Variants in MRPS6 observed in about 807,000 individuals in gnomAD.
MRPS6 encodes the protein mitochondrial ribosomal protein S6.
A neutral mutation model predicts 13.1 loss-of-function variants in MRPS6; 6 were observed. The observed-to-expected ratio is 0.46, with a 90% CI of 0.25 to 0.91. The LOEUF (loss-of-function observed/expected upper bound fraction) is 0.91. MRPS6 is among the 40% of genes least tolerant of loss of function. MRPS6 has a pLI of 0.18. For synonymous variants in MRPS6, 61 were observed against 56.5 expected, an observed-to-expected ratio of 1.08 and a Z score of -0.36; for missense variants, 164 against 155.6, an observed-to-expected ratio of 1.05 and a Z score of -0.29.
intron 1 of MRPS6, among the ~76,000 whole-genome samples, chr21:34,084,006 C>T (rs755839914): frequency 6.6e-5 from 10 of 152,188 alleles, no homozygotes; most frequent in Non-Finnish European, 1.3e-4. Flanking sequence ...GAAAATCCAG[C>T]TGCCTTTATA....
intron 1 of MRPS6, among the ~76,000 whole-genome samples, chr21:34,112,462 C>A (rs1047450322): frequency 6.6e-6 from 1 of 152,186 alleles, no homozygotes; most frequent in Admixed American, 6.5e-5. Flanking sequence ...ATGTATCTTA[C>A]AATTCACCCA....
intron 1 of MRPS6, chr21:34,102,242 T>C: frequency 2.0e-6 from 2 of 999,898 alleles, no homozygotes; most frequent in Non-Finnish European, 2.4e-6. Flanking sequence ...TTGCCAGTGG[T>C]GAGTCCCACA....
rs962679811 is a variant in MRPS6, at chr21:34,073,609, C to T, written c.-92C>T. 1.9e-5 allele frequency: 21 copies of T among 1,134,306 alleles called. No homozygotes were observed. Among genetic ancestry groups the T allele is most frequent in the East Asian group, 3.2e-5 (1 of 30,840 alleles). The allele number at this position is 1,134,306 out of a possible 1,614,324, so 70.3% of individuals were successfully genotyped here. On this transcript the variant is annotated 5_prime_UTR_variant, in exon 1 of 3. Transcript: ENST00000399312. ...GCCGCCTGGGAGCCGTCCGGCGCAG[C>T]AGTTTCTAGGTCCCCACTGTCCCCG...
chr21:34,119,305 A>G (rs924383925), intron 1 of MRPS6, among the ~76,000 whole-genome samples: 23 of 152,318 alleles, frequency 1.5e-4, no homozygotes, highest in African/African-American at 5.1e-4. Flanking sequence ...GCCACTTTCC[A>G]TGACACCCAT....
intron 2 of MRPS6, among the ~76,000 whole-genome samples, chr21:34,126,423 C>T (rs375046949): frequency 3.3e-5 from 5 of 152,328 alleles, no homozygotes; most frequent in African/African-American, 9.6e-5. Flanking sequence ...AACCTTCTGC[C>T]GTGCTGCAAA....
intron 2 of MRPS6, among the ~76,000 whole-genome samples, chr21:34,128,769 TC>T (rs931695435): frequency 1.3e-5 from 2 of 152,220 alleles, no homozygotes; most frequent in African/African-American, 4.8e-5. Context: ...TCATGCGTGT[TC>T]AGCTGAGGAC....
intron 1 of MRPS6, among the ~76,000 whole-genome samples, chr21:34,090,253 G>T (rs1231523372): frequency 6.6e-6 from 1 of 152,174 alleles, no homozygotes; most frequent in African/African-American, 2.4e-5. Context: ...CAGTATCCTT[G>T]CTCCACATTT....
intron 1 of MRPS6, among the ~76,000 whole-genome samples, chr21:34,074,794 C>G (rs1413150420): frequency 6.6e-6 from 1 of 152,326 alleles, no homozygotes; most frequent in African/African-American, 2.4e-5. Flanking sequence ...AATTAGGCTC[C>G]AGGTCAATTG....
intron 1 of MRPS6, among the ~76,000 whole-genome samples, chr21:34,107,261 C>T (rs1485890960): frequency 6.6e-6 from 1 of 152,194 alleles, no homozygotes; most frequent in East Asian, 1.9e-4. Context: ...TAATACAGGC[C>T]AATCATTTTG....
At position 34,074,920 on chromosome 21, in the gene MRPS6, C is replaced by A. The variant is rs536864496; in HGVS notation, c.45+1175C>A. Among the ~76,000 whole-genome samples, 22 of 152,292 alleles carry A rather than the reference C, an allele frequency of 1.4e-4. 1 individual carries two copies. The highest frequency in any genetic ancestry group is 3.4e-3 in the Middle Eastern group (1 of 294). On this transcript the variant is annotated intron_variant, in intron 1 of 2. Coordinates refer to ENST00000399312, the MANE Select transcript of MRPS6 (RefSeq NM_032476.4). ...GCATATTGTTAACTGGGAAGGGACG[C>A]CAGTGCCTCTCTATGAGGTCCAGAC...
intron 1 of MRPS6, among the ~76,000 whole-genome samples, chr21:34,112,936 C>A (rs574970754): frequency 6.6e-6 from 1 of 152,002 alleles, no homozygotes; most frequent in African/African-American, 2.4e-5. Context: ...GTGGGTGGAT[C>A]GCTTGACGTC....
chr21:34,084,997 C>T (rs1989539162), intron 1 of MRPS6, among the ~76,000 whole-genome samples: 1 of 152,182 alleles, frequency 6.6e-6, no homozygotes, highest in South Asian at 2.1e-4. Context: ...GGCCTTCCTC[C>T]TAACCACAAC....
At chr21:34,109,583 G>A (rs780879486) in intron 1 of MRPS6, among the ~76,000 whole-genome samples, 5 of 152,014 alleles carry the variant, frequency 3.3e-5, no homozygotes, top group African/African-American at 4.8e-5. Flanking sequence ...TTTATCTGCC[G>A]CAGAGTATAA....
intron 1 of MRPS6, chr21:34,104,878 T>G (rs1284333708): frequency 1.0e-6 from 1 of 1,000,138 alleles, no homozygotes; most frequent in Non-Finnish European, 1.2e-6. Context: ...AAAAAATGCT[T>G]CTGGAGATTT....
At chr21:34,127,787 C>A (rs1569424320) in intron 2 of MRPS6, among the ~76,000 whole-genome samples, 1 of 152,158 alleles carries the variant, frequency 6.6e-6, no homozygotes, top group Non-Finnish European at 1.5e-5. Context: ...TAATCCATAG[C>A]CACAGAAAGT....
At chr21:34,110,442 T>C (rs891330743) in intron 1 of MRPS6, among the ~76,000 whole-genome samples, 1 of 151,898 alleles carries the variant, frequency 6.6e-6, no homozygotes, top group African/African-American at 2.4e-5. Context: ...ATTGTGCCAC[T>C]GTACTCCAGC....
In MRPS6 at chr21:34,096,988, G is replaced by A. The variant is rs1209359981; in HGVS notation, c.45+23243G>A. ...GGGAAATCTGAAGACAGCATTAAGG[G>A]CCTTCAGCCTGAAGATGTTAATCTG... On this transcript the variant is annotated intron_variant, in intron 1 of 2. Transcript: ENST00000399312. The surrounding 1 kb of genome is among the most constrained non-coding windows in gnomAD (Gnocchi z 5.9). The A allele has an allele frequency of 6.2e-7, 1 of 1,613,920 alleles. No homozygotes were observed. Among genetic ancestry groups the A allele is most frequent in the African/African-American group, 1.3e-5 (1 of 74,898 alleles).
chr21:34,103,524 G>A (rs114419906), intron 1 of MRPS6: 66,878 of 999,552 alleles, frequency 0.067, 2,339 homozygotes, highest in Middle Eastern at 0.11. Flanking sequence ...GAACAGGTAC[G>A]TGACAACAGT....
chr21:34,092,515 A>T (rs1043850153), intron 1 of MRPS6, among the ~76,000 whole-genome samples: 5 of 152,222 alleles, frequency 3.3e-5, no homozygotes, highest in Non-Finnish European at 5.9e-5. Context: ...CTGTGGGCAG[A>T]GCGACTTTAC....
Sources: gnomAD v4.1 joint callset for allele counts (sites outside exome capture counted in the v4.1 genomes callset) on GRCh38, gnomAD v4.1.1 for gene constraint, Gnocchi (gnomAD v3.1) non-coding constraint, MANE v1.5 for transcripts, NCBI Gene and HGNC (gene_info 2026-07-23, HGNC 2026-07-21) for gene names.